Variants in SMYD3 observed in about 807,000 individuals in gnomAD.
SMYD3 encodes SET and MYND domain containing 3, also known as histone-lysine N-methyltransferase SMYD3.
Under a neutral mutation model 57.7 loss-of-function variants are expected in SMYD3, and 36 were observed. The observed-to-expected ratio is 0.62, with a 90% CI of 0.48 to 0.82. The LOEUF is 0.82. SMYD3 is among the 40% of genes least tolerant of loss of function. The pLI is 0.00. For missense variants in SMYD3, 515 were observed against 538.8 expected (o/e 0.96, Z 0.44); for synonymous variants, 211 against 195.0 (o/e 1.08, Z -0.68).
chr1:246,174,413 T>C (rs2062398053), intron 5 of SMYD3, among the ~76,000 whole-genome samples: 1 of 152,184 alleles, frequency 6.6e-6, no homozygotes, highest in Non-Finnish European at 1.5e-5. Context: ...CAAAACATCA[T>C]TATGCTGCCA....
At chr1:246,341,993 A>G (rs914810371) in intron 2 of SMYD3, among the ~76,000 whole-genome samples, 1 of 152,198 alleles carries the variant, frequency 6.6e-6, no homozygotes, top group Non-Finnish European at 1.5e-5. Context: ...CAGTCTTCCA[A>G]TGATAAAATT....
At chr1:245,940,245 C>A (rs551745924) in intron 5 of SMYD3, among the ~76,000 whole-genome samples, 42 of 152,342 alleles carry the variant, frequency 2.8e-4, no homozygotes, top group African/African-American at 9.4e-4. Context: ...ACAAGGGGAA[C>A]TCCCCCCAGC....
At chr1:245,999,926 G>C (rs1396809567) in intron 5 of SMYD3, among the ~76,000 whole-genome samples, 1 of 152,098 alleles carries the variant, frequency 6.6e-6, no homozygotes, top group Non-Finnish European at 1.5e-5. Flanking sequence ...TACCTGCTAG[G>C]CACCAGGGAA....
chr1:246,106,147 T>C lies in SMYD3; in HGVS notation c.532-176210A>G, dbSNP rs187140331. ...CTATTCATGGAACCATGTTAACCCA[T>C]ATCCGGAAAATTAATAAACCTCGGA... On this transcript the variant is annotated intron_variant, in intron 5 of 11. Transcript: ENST00000490107. Among the ~76,000 whole-genome samples the C allele has an allele frequency of 1.6e-4, 24 of 152,254 alleles. No homozygotes were observed. In the East Asian group the frequency reaches 4.4e-3, roughly 28 times the overall value.
intron 5 of SMYD3, among the ~76,000 whole-genome samples, chr1:246,043,400 CA>C (rs906975305): frequency 4.6e-5 from 7 of 152,108 alleles, no homozygotes; most frequent in African/African-American, 1.2e-4. Flanking sequence ...CAGAAAGATC[CA>C]AAAAAGCAAA....
intron 10 of SMYD3, among the ~76,000 whole-genome samples, chr1:245,855,561 G>A (rs2051198638): frequency 6.6e-6 from 1 of 152,186 alleles, no homozygotes; most frequent in Non-Finnish European, 1.5e-5. Context: ...AGGGACAGAT[G>A]AGTTTCCATA....
rs544193838 is a variant in SMYD3, at chr1:246,492,683, T to C, written c.164+14371A>G. ...AGCAAAATCTTCAGCTAGGAGACTTTCAATCTATGATCCTCTGAGGATGCC... is the reference window on the plus strand; with the variant it reads ...AGCAAAATCTTCAGCTAGGAGACTTCCAATCTATGATCCTCTGAGGATGCC... On this transcript the variant is annotated intron_variant, in intron 1 of 11. Coordinates refer to ENST00000490107, the MANE Select transcript of SMYD3 (RefSeq NM_001167740.2). Among the ~76,000 whole-genome samples the C allele has an allele frequency of 2.2e-3, 331 of 152,310 alleles. 3 individuals are homozygous for C. Among genetic ancestry groups the C allele is most frequent in the African/African-American group, 7.6e-3 (317 of 41,554 alleles).
At chr1:245,814,841 C>A (rs1320321336) in intron 10 of SMYD3, among the ~76,000 whole-genome samples, 1 of 150,722 alleles carries the variant, frequency 6.6e-6, no homozygotes, top group Non-Finnish European at 1.5e-5. Flanking sequence ...CACGCACACA[C>A]ATGCACGCAC....
At chr1:245,793,934 T>C (rs1259874935) in intron 10 of SMYD3, among the ~76,000 whole-genome samples, 1 of 152,202 alleles carries the variant, frequency 6.6e-6, no homozygotes. Context: ...CTCTATTTCA[T>C]CTCATTATTT....
chr1:246,183,507 T>C (rs1418290023), intron 5 of SMYD3, among the ~76,000 whole-genome samples: 1 of 151,000 alleles, frequency 6.6e-6, no homozygotes, highest in Non-Finnish European at 1.5e-5. Context: ...TCAGGGAAAA[T>C]GCAAATAAGA....
At chr1:245,927,525 G>T (rs1333921193) in intron 7 of SMYD3, among the ~76,000 whole-genome samples, 3 of 152,194 alleles carry the variant, frequency 2.0e-5, no homozygotes, top group African/African-American at 7.2e-5. Flanking sequence ...TCCGAGTGAA[G>T]AAGTCTTGGG....
chr1:246,275,870 C>T (rs376511922), intron 5 of SMYD3, among the ~76,000 whole-genome samples: 5 of 147,778 alleles, frequency 3.4e-5, no homozygotes, highest in East Asian at 2.0e-4. Flanking sequence ...TTTTACTAGC[C>T]GTATTAACAC....
chr1:246,230,167 G>T (rs79439165), intron 5 of SMYD3, among the ~76,000 whole-genome samples: 9,014 of 152,156 alleles, frequency 0.059, 434 homozygotes, highest in African/African-American at 0.12. Flanking sequence ...CCATGACCTG[G>T]TTTTCTTCTG....
intron 8 of SMYD3, among the ~76,000 whole-genome samples, chr1:245,885,995 A>G (rs1464002680): frequency 6.6e-6 from 1 of 152,210 alleles, no homozygotes; most frequent in Non-Finnish European, 1.5e-5. Context: ...TTTCAGTTGT[A>G]GAAAACATAA....
At chr1:246,333,404 A>G (rs887264667) in intron 3 of SMYD3, among the ~76,000 whole-genome samples, 2 of 152,238 alleles carry the variant, frequency 1.3e-5, no homozygotes, top group African/African-American at 4.8e-5. Context: ...TGACAAGTGG[A>G]CCTAATTAAA....
At chr1:245,941,317 C>A (rs112524944) in intron 5 of SMYD3, among the ~76,000 whole-genome samples, 1 of 152,024 alleles carries the variant, frequency 6.6e-6, no homozygotes, top group Admixed American at 6.5e-5. Context: ...ATCCAGGGAA[C>A]CCCAGTAAGA....
intron 5 of SMYD3, among the ~76,000 whole-genome samples, chr1:246,278,033 A>G (rs942956388): frequency 1.3e-5 from 2 of 152,232 alleles, no homozygotes; most frequent in African/African-American, 2.4e-5. Context: ...GTACAAAGAA[A>G]ACAGAAATGA....
In SMYD3 at chr1:246,355,053, T is replaced by A; in HGVS notation, c.206A>T (p.Lys69Ile). The change falls in exon 2 of 12, where the codon AAA (lysine) becomes ATA (isoleucine). Residue 69 changes from lysine (K) to isoleucine (I), a missense_variant. Coordinates refer to ENST00000490107, the MANE Select transcript of SMYD3 (RefSeq NM_001167740.2). The surrounding 1 kb of genome is among the most constrained non-coding windows in gnomAD (Gnocchi z 5.0). Reference sequence around the variant, plus strand: ...TACCTGACACTTAGCACTACAGTATTTGGCGACGCGGCACTGAGAGCATCG... The same window carrying A: ...TACCTGACACTTAGCACTACAGTATATGGCGACGCGGCACTGAGAGCATCG... ...LMRCSQCRVA[K>I]YCSAKCQKKA... is the part of the protein sequence containing the mutation. 1 of 1,614,180 alleles carries A rather than the reference T, an allele frequency of 6.2e-7. No individual in the cohort carries two copies. The highest frequency in any genetic ancestry group is 2.2e-5 in the East Asian group (1 of 44,880).
rs7549748 is a variant in SMYD3, at chr1:246,465,025, G to A, written c.164+42029C>T. ...CAGCTATGGATTTCTTTGTTCCTTC[G>A]CCACTCCCACTGCTTTACTTGACAA... is the stretch of plus-strand genomic sequence containing the variant. On this transcript the variant is annotated intron_variant, in intron 1 of 11. Transcript: ENST00000490107. Among the ~76,000 whole-genome samples, 475 of 152,054 alleles carry A rather than the reference G, an allele frequency of 3.1e-3. 1 individual carries two copies. Among genetic ancestry groups the A allele is most frequent in the African/African-American group, 0.011 (439 of 41,486 alleles).
Sources: allele counts gnomAD v4.1 joint callset (sites outside exome capture counted in the v4.1 genomes callset), GRCh38; gene constraint gnomAD v4.1.1; non-coding constraint Gnocchi (gnomAD v3.1); transcripts MANE v1.5; gene names NCBI Gene and HGNC (gene_info 2026-07-23, HGNC 2026-07-21).